HDAC8: variants seen among roughly 807,000 people sequenced by gnomAD.
The protein encoded by HDAC8 is histone deacetylase 8.
Under a neutral mutation model 32.2 loss-of-function variants are expected in HDAC8, and 1 was observed. The observed-to-expected ratio is 0.03, with a 90% CI of 0.01 to 0.15. The LOEUF is 0.15. HDAC8 is among the 10% of genes least tolerant of loss of function. The probability of loss-of-function intolerance (pLI) is 1.00; values close to 1 mark genes in which losing one functional copy is unlikely to be tolerated. For missense variants in HDAC8, 117 were observed against 300.0 expected (o/e 0.39, Z 4.51); for synonymous variants, 108 against 113.9 (o/e 0.95, Z 0.33).
At chrX:72,427,311 A>G (rs1159743261) in intron 9 of HDAC8, among the ~76,000 whole-genome samples, 1 of 110,648 alleles carries the variant, frequency 9.0e-6, no homozygotes, top group Non-Finnish European at 1.9e-5. Flanking sequence ...TGTTTATTGC[A>G]GCACTATTCA....
intron 7 of HDAC8, among the ~76,000 whole-genome samples, chrX:72,475,357 C>A (rs1799162462): frequency 8.9e-6 from 1 of 112,107 alleles, no homozygotes; most frequent in African/African-American, 3.2e-5. Context: ...AATTTTAAAC[C>A]TATTGCATTT....
intron 9 of HDAC8, among the ~76,000 whole-genome samples, chrX:72,396,491 ATTAT>A (rs1382909812): frequency 1.8e-5 from 2 of 112,577 alleles, no homozygotes; most frequent in African/African-American, 3.2e-5. Context: ...AAAAAAGTTA[ATTAT>A]TTAAGTTGAC....
intron 9 of HDAC8, among the ~76,000 whole-genome samples, chrX:72,378,508 C>A (rs1475055114): frequency 9.0e-6 from 1 of 111,659 alleles, no homozygotes; most frequent in Non-Finnish European, 1.9e-5. Flanking sequence ...GAACCATGAG[C>A]TAAATAAACC....
chrX:72,482,552 A>G (rs1556003651), intron 7 of HDAC8, among the ~76,000 whole-genome samples: 1 of 111,393 alleles, frequency 9.0e-6, no homozygotes, highest in African/African-American at 3.3e-5. Flanking sequence ...AATGGATTGC[A>G]TATACTGTGG....
chrX:72,568,859 T>C lies in HDAC8; in HGVS notation c.190A>G (p.Met64Val). 8.3e-7 allele frequency: 1 copy of C among 1,210,251 alleles called. No individual in the cohort carries two copies. The highest frequency in any genetic ancestry group is 1.1e-6 in the Non-Finnish European group (1 of 894,710). ...GTGTGGAAGGTGGCCATCTCCTCCA[T>C]GGAGGCCACTTTAGGCTTAACTATC... Reference protein sequence around the residue: ...MRIVKPKVASMEEMATFHTDA... With the variant: ...MRIVKPKVASVEEMATFHTDA... Residue 64 changes from methionine (M) to valine (V), a missense_variant, in exon 3 of 11, where the codon ATG becomes GTG. This residue lies in a region of HDAC8 where 37 missense variants were observed against 53.1 expected (regional missense o/e 0.70). Transcript: ENST00000373573.
At chrX:72,505,905 A>C (rs113286965) in intron 4 of HDAC8, among the ~76,000 whole-genome samples, 5,060 of 112,188 alleles carry the variant, frequency 0.045, 106 homozygotes, top group Middle Eastern at 0.11. Flanking sequence ...CCAAATTTTC[A>C]GTTCTTCTAG....
At chrX:72,451,770 A>T (rs1343934269) in intron 9 of HDAC8, among the ~76,000 whole-genome samples, 4 of 113,161 alleles carry the variant, frequency 3.5e-5, no homozygotes, top group Admixed American at 9.3e-5. Context: ...TGGAAAATTA[A>T]CAAATTACAG....
intron 9 of HDAC8, among the ~76,000 whole-genome samples, chrX:72,388,595 T>TACACACACACACACAC (rs59374504): frequency 1.9e-4 from 17 of 88,403 alleles, no homozygotes; most frequent in African/African-American, 6.6e-4. Context: ...CCACAGTGAT[T>TACACACACACACACAC]ACACACACAC....
chrX:72,505,762 G>A (rs1262420464), intron 4 of HDAC8, among the ~76,000 whole-genome samples: 1 of 110,458 alleles, frequency 9.1e-6, no homozygotes, highest in Non-Finnish European at 1.9e-5. Flanking sequence ...ACTCTAGCCT[G>A]GGTGAAGAGA....
At chrX:72,501,796 C>T (rs2148164888) in intron 4 of HDAC8, among the ~76,000 whole-genome samples, 1 of 112,319 alleles carries the variant, frequency 8.9e-6, no homozygotes, top group Admixed American at 9.4e-5. Context: ...TTCAGAGCTT[C>T]TGCACAGCAA....
At chrX:72,458,121 T>A (rs1555990324) in intron 9 of HDAC8, among the ~76,000 whole-genome samples, 1 of 112,296 alleles carries the variant, frequency 8.9e-6, no homozygotes. Flanking sequence ...ATTTGCCATG[T>A]ACTGGTCTTT....
intron 9 of HDAC8, among the ~76,000 whole-genome samples, chrX:72,403,348 C>G (rs2045955561): frequency 9.0e-6 from 1 of 111,246 alleles, no homozygotes; most frequent in Non-Finnish European, 1.9e-5. Flanking sequence ...CAATATATAT[C>G]TTAACTTACT....
chrX:72,511,085 T>TA (rs1289078084), intron 4 of HDAC8, among the ~76,000 whole-genome samples: 1 of 111,477 alleles, frequency 9.0e-6, no homozygotes. Flanking sequence ...CTTTTAGTGA[T>TA]AGCAAGATTC....
intron 4 of HDAC8, among the ~76,000 whole-genome samples, chrX:72,516,165 T>TA (rs2049795302): frequency 8.9e-6 from 1 of 112,228 alleles, no homozygotes; most frequent in African/African-American, 3.2e-5. Flanking sequence ...CAGAATGGGC[T>TA]AAACTGCATC....
intron 9 of HDAC8, among the ~76,000 whole-genome samples, chrX:72,445,578 C>A (rs1350024498): frequency 3.6e-5 from 4 of 112,069 alleles, no homozygotes; most frequent in African/African-American, 1.3e-4. Flanking sequence ...ACCATAAAAA[C>A]CCTAGAGGAA....
chrX:72,438,275 A>G (rs977751805), intron 9 of HDAC8, among the ~76,000 whole-genome samples: 3 of 112,284 alleles, frequency 2.7e-5, no homozygotes, highest in African/African-American at 9.7e-5. Flanking sequence ...AGGAAAACTA[A>G]CAAACAGAAA....
chrX:72,447,636 G>A (rs1278516437), intron 9 of HDAC8, among the ~76,000 whole-genome samples: 2 of 111,850 alleles, frequency 1.8e-5, no homozygotes, highest in Non-Finnish European at 3.8e-5. Context: ...TAGGAAGAGA[G>A]GAAGTCAAAT....
At position 72,539,214 on chromosome X, in the gene HDAC8, T is replaced by TTTTATTTA. The variant is rs201298956; in HGVS notation, c.437+28667_437+28674dup. On this transcript the variant is annotated intron_variant, in intron 4 of 10. Transcript: ENST00000373573. ...TGGAAACTCTACACTATCTGTGCAATTTTATTTATTTATTTATTTATTTAT... is the reference window on the plus strand; with the variant it reads ...TGGAAACTCTACACTATCTGTGCAATTTTATTTATTTATTTATTTATTTATTTATTTAT... 4.2e-3 allele frequency among the ~76,000 whole-genome samples: 466 copies of TTTTATTTA among 110,034 alleles called. 5 individuals carry two copies. In the East Asian group the frequency reaches 0.046, roughly 11 times the overall value.
At chrX:72,470,149 AATACATACATACATAC>A (rs201216050) in intron 7 of HDAC8, among the ~76,000 whole-genome samples, 1,972 of 96,986 alleles carry the variant, frequency 0.02, 56 homozygotes, top group African/African-American at 0.068. Context: ...CACAGTCTCA[AATACATACATACATAC>A]ATACATACAT....
Sources: allele counts gnomAD v4.1 joint callset (sites outside exome capture counted in the v4.1 genomes callset), GRCh38; gene constraint gnomAD v4.1.1; regional missense constraint gnomAD v4.1.1; transcripts MANE v1.5; gene names NCBI Gene and HGNC (gene_info 2026-07-23, HGNC 2026-07-21).